Variants in ZNF469 observed in about 807,000 individuals in gnomAD.
ZNF469 encodes the protein zinc finger protein 469.
ZNF469 carries 1 observed loss-of-function variant against 1.0 expected under a neutral mutation model. The ratio of observed to expected loss-of-function variants is 1.00; its 90% confidence interval spans 0.35 to 4.73. The LOEUF (loss-of-function observed/expected upper bound fraction) is 4.73. Among genes scored for constraint, ZNF469 ranks in the 30% most tolerant of loss-of-function variants. The pLI, the probability that ZNF469 is intolerant of heterozygous loss-of-function variation, is 0.16. For synonymous variants in ZNF469, 2,703 were observed against 2,363.4 expected (o/e 1.14, Z -4.17); for missense variants, 6,100 against 5,356.3 (o/e 1.14, Z -4.33).
chr16:88,260,456 G>A, the ZNF469 span, among the ~76,000 whole-genome samples: 586 of 152,328 alleles, frequency 3.8e-3, 2 homozygotes, highest in Admixed American at 8.6e-3. This position sits in a 1 kb window ranked among gnomAD's most constrained non-coding sequence, Gnocchi z 4.1. Context: ...TCGCTCTGGG[G>A]ACTGTCTAGA....
chr16:88,437,147 A>G lies in ZNF469; in HGVS notation c.9677A>G (p.His3226Arg). 1 of 1,549,092 alleles carries G rather than the reference A, an allele frequency of 6.5e-7. No homozygotes were observed. Among genetic ancestry groups the G allele is most frequent in the Non-Finnish European group, 8.7e-7 (1 of 1,146,590 alleles). Residue 3226 changes from histidine (H) to arginine (R), a missense_variant, in exon 3 of 3, where the codon CAC becomes CGC. Coordinates refer to ENST00000565624, the MANE Select transcript of ZNF469 (RefSeq NM_001367624.2). ...CTGGAGGGCAGCAGCGCTGTCGCCC[A>G]CCTTCTGAACAGCATCACGGAACCC... ...GGLEGSSAVA[H>R]LLNSITEPAP...
At chr16:88,148,092 T>A in the ZNF469 span, among the ~76,000 whole-genome samples, 1 of 152,042 alleles carries the variant, frequency 6.6e-6, no homozygotes, top group African/African-American at 2.4e-5. Context: ...CGACTGCAGC[T>A]TCCTTCGTCG....
rs1461284902 is a variant in ZNF469, at chr16:88,431,233, G to C, written c.3763G>C (p.Glu1255Gln). Residue 1255 changes from glutamate (E) to glutamine (Q), a missense_variant, in exon 3 of 3, where the codon GAA becomes CAA. Physicochemically the swap from Glu to Gln is conservative, Grantham distance 29. Coordinates refer to ENST00000565624, the MANE Select transcript of ZNF469 (RefSeq NM_001367624.2). ...TTCTCCTCCAGCCGCCTGTGCGGGAGAAATGGGAGCAAGCCCCGGTCTCCT... is the reference window on the plus strand; with the variant it reads ...TTCTCCTCCAGCCGCCTGTGCGGGACAAATGGGAGCAAGCCCCGGTCTCCT... ...LRSPPAACAG[E>Q]MGASPGLLIP... 1 of 1,550,288 alleles carries C rather than the reference G, an allele frequency of 6.5e-7. No individual in the cohort carries two copies. The highest frequency in any genetic ancestry group is 8.7e-7 in the Non-Finnish European group (1 of 1,146,988).
the ZNF469 span, among the ~76,000 whole-genome samples, chr16:88,309,887 T>C: frequency 1.3e-5 from 2 of 152,220 alleles, no homozygotes; most frequent in Admixed American, 1.3e-4. Flanking sequence ...ACAACCCACG[T>C]GGCAGGAGTC....
At chr16:88,114,034 T>C in the ZNF469 span, among the ~76,000 whole-genome samples, 1 of 151,850 alleles carries the variant, frequency 6.6e-6, no homozygotes, top group African/African-American at 2.4e-5. Context: ...TAAGGAAGGG[T>C]CTCCCCCACC....
chr16:88,385,989 C>A (rs573589455), intron 1 of ZNF469, among the ~76,000 whole-genome samples: 106 of 152,286 alleles, frequency 7.0e-4, no homozygotes, highest in South Asian at 2.5e-3. Context: ...ACAAGAAAGA[C>A]CTGAGTGGTG....
the ZNF469 span, among the ~76,000 whole-genome samples, chr16:88,101,988 A>G: frequency 6.6e-6 from 1 of 152,110 alleles, no homozygotes; most frequent in African/African-American, 2.4e-5. Context: ...GAGGGGACTT[A>G]AGCGACGGAA....
At chr16:88,319,574 CT>C in the ZNF469 span, among the ~76,000 whole-genome samples, 1 of 152,182 alleles carries the variant, frequency 6.6e-6, no homozygotes, top group Non-Finnish European at 1.5e-5. Context: ...AGCGGGGCCA[CT>C]CCCCAGGCTG....
chr16:88,169,976 A>C, the ZNF469 span, among the ~76,000 whole-genome samples: 4 of 152,230 alleles, frequency 2.6e-5, no homozygotes, highest in African/African-American at 9.6e-5. This position sits in a 1 kb window ranked among gnomAD's most constrained non-coding sequence, Gnocchi z 6.1. Context: ...CATGGACTTC[A>C]GCTGCTGTTT....
upstream of ZNF469, among the ~76,000 whole-genome samples, chr16:88,380,150 C>G (rs1011036320): frequency 6.7e-6 from 1 of 148,354 alleles, no homozygotes; most frequent in Non-Finnish European, 1.5e-5. Flanking sequence ...CACTCACACA[C>G]AAATGCACTC....
chr16:88,246,963 A>C, the ZNF469 span, among the ~76,000 whole-genome samples: 1 of 151,134 alleles, frequency 6.6e-6, no homozygotes, highest in Admixed American at 6.6e-5. Flanking sequence ...GAATGAGTGA[A>C]TAAGTGAGTG....
chr16:88,334,870 C>G, the ZNF469 span, among the ~76,000 whole-genome samples: 63 of 150,334 alleles, frequency 4.2e-4, no homozygotes, highest in Admixed American at 4.2e-3. Context: ...ACGTGGGAGC[C>G]GTGAAGGAAG....
the ZNF469 span, among the ~76,000 whole-genome samples, chr16:88,372,937 C>T: frequency 1.3e-5 from 2 of 152,080 alleles, no homozygotes; most frequent in Admixed American, 6.5e-5. Context: ...CCATCTTCAC[C>T]ATCTTTACCA....
At chr16:88,234,958 G>A in the ZNF469 span, 1 of 152,420 alleles carries the variant, frequency 6.6e-6, no homozygotes. Context: ...GGGGGGGCAG[G>A]CGGCCGAGCG....
At chr16:88,151,591 C>G in the ZNF469 span, among the ~76,000 whole-genome samples, 1 of 152,218 alleles carries the variant, frequency 6.6e-6, no homozygotes, top group African/African-American at 2.4e-5. This position sits in a 1 kb window ranked among gnomAD's most constrained non-coding sequence, Gnocchi z 5.4. Context: ...AACTGTGTGC[C>G]TCACACCACT....
chr16:88,379,393 TC>T (rs1344034405), upstream of ZNF469, among the ~76,000 whole-genome samples: 1 of 151,874 alleles, frequency 6.6e-6, no homozygotes, highest in Admixed American at 6.6e-5. Context: ...CAGCCCCTGC[TC>T]CCTGCAGAGC....
the ZNF469 span, among the ~76,000 whole-genome samples, chr16:88,293,957 A>G: frequency 6.6e-6 from 1 of 152,190 alleles, no homozygotes; most frequent in African/African-American, 2.4e-5. Flanking sequence ...GAAGACCACG[A>G]GACGGCCTTT....
chr16:88,128,245 C>T, the ZNF469 span, among the ~76,000 whole-genome samples: 39 of 152,114 alleles, frequency 2.6e-4, no homozygotes, highest in African/African-American at 9.4e-4. Flanking sequence ...GCCCAGAATG[C>T]AGGCCTTTCT....
chr16:88,106,360 C>T, the ZNF469 span, among the ~76,000 whole-genome samples: 13 of 152,352 alleles, frequency 8.5e-5, no homozygotes, highest in East Asian at 5.8e-4. Flanking sequence ...AGAGGCAGTA[C>T]GATAATCTCC....
Sources: gnomAD v4.1 joint callset for allele counts (sites outside exome capture counted in the v4.1 genomes callset) on GRCh38, gnomAD v4.1.1 for gene constraint, Gnocchi (gnomAD v3.1) non-coding constraint, MANE v1.5 for transcripts, NCBI Gene and HGNC (gene_info 2026-07-23, HGNC 2026-07-21) for gene names.